Variants in ANAPC7 observed in about 807,000 individuals in gnomAD.
ANAPC7 encodes the protein anaphase promoting complex subunit 7, also known as anaphase-promoting complex subunit 7.
In ANAPC7, 25 loss-of-function variants were observed where a neutral mutation model predicts 63.3. The ratio of observed to expected loss-of-function variants is 0.39; its 90% CI spans 0.29 to 0.55. The LOEUF is 0.55. ANAPC7 is among the 20% of genes least tolerant of loss of function. ANAPC7 has a pLI of 0.57. For synonymous variants in ANAPC7, 241 were observed against 251.7 expected, an observed-to-expected ratio of 0.96 and a Z score of 0.40; for missense variants, 516 against 691.7, an observed-to-expected ratio of 0.75 and a Z score of 2.85.
chr12:110,383,898 AGAAAAAAAAAAGAAAAAAG>A (rs1882195787), intron 6 of ANAPC7, among the ~76,000 whole-genome samples: 8 of 127,924 alleles, frequency 6.3e-5, no homozygotes, highest in African/African-American at 2.7e-4. Context: ...AAAAAAAAAA[AGAAAAAAAAAAGAAAAAAG>A]AAGGGCCAGG....
In ANAPC7 at chr12:110,396,380, T is replaced by C. The variant is rs1292399754; in HGVS notation, c.174A>G (p.Glu58=). The change falls in exon 2 of 11, where the codon GAA becomes GAG. Residue 58 remains glutamate (E), a synonymous_variant. Coordinates refer to ENST00000455511, the MANE Select transcript of ANAPC7 (RefSeq NM_016238.3). ...TATACTTACTCACAGCATTCCGATA[T>C]TCCTTATCATGAAAGAGAGAATCTG... ...YHADSLFHDK[E]YRNAVSKYTM... 6.8e-6 allele frequency: 11 copies of C among 1,613,938 alleles called. No homozygotes were observed. Among genetic ancestry groups the C allele is most frequent in the African/African-American group, 1.3e-5 (1 of 74,920 alleles).
Position 110,400,248 on chromosome 12 carries a change from TAA to T in ANAPC7, c.101+3277_101+3278del, listed in dbSNP as rs986900589. On this transcript the variant is annotated intron_variant, in intron 1 of 10. Coordinates refer to ENST00000455511, the MANE Select transcript of ANAPC7 (RefSeq NM_016238.3). ...CACAGAAAGCATTCAGATATGCATA[TAA>T]GATACATGTCTACTTACACATGCAT... is the stretch of plus-strand genomic sequence containing the variant. Among the ~76,000 whole-genome samples, 7 of 152,316 alleles carry T rather than the reference TAA, an allele frequency of 4.6e-5. 1 individual carries two copies. Among genetic ancestry groups the T allele is most frequent in the African/African-American group, 1.7e-4 (7 of 41,572 alleles).
At chr12:110,376,850 C>G (rs192011009) in intron 9 of ANAPC7, among the ~76,000 whole-genome samples, 2 of 151,922 alleles carry the variant, frequency 1.3e-5, no homozygotes, top group African/African-American at 4.8e-5. Context: ...AGGCTGGGCA[C>G]GGTGGCTCAC....
At chr12:110,389,090 AAAAAAAAAAAAAG>A (rs1260193295) in intron 3 of ANAPC7, among the ~76,000 whole-genome samples, 20 of 148,808 alleles carry the variant, frequency 1.3e-4, no homozygotes, top group Admixed American at 1.3e-4. Flanking sequence ...TTAAAAAAAA[AAAAAAAAAAAAAG>A]AAAAGAAAAG....
chr12:110,384,377 G>A (rs1882253237), intron 6 of ANAPC7, among the ~76,000 whole-genome samples: 1 of 151,826 alleles, frequency 6.6e-6, no homozygotes. Context: ...GAGTGACAGA[G>A]TGAGACCCTG....
In ANAPC7 at chr12:110,399,893, C is replaced by T. The variant is rs531388914; in HGVS notation, c.102-3441G>A. 2.0e-5 allele frequency among the ~76,000 whole-genome samples: 3 copies of T among 151,668 alleles called. No individual in the cohort carries two copies. In the East Asian group the frequency reaches 5.8e-4, roughly 29 times the overall value. On this transcript the variant is annotated intron_variant, in intron 1 of 10. Coordinates refer to ENST00000455511, the MANE Select transcript of ANAPC7 (RefSeq NM_016238.3). The stretch of plus-strand genomic sequence containing the variant: ...GGAGGATCACCTGAGGTCAGGAGTT[C>T]GACCAGCCTGGCCAACATGTTGAAA...
At chr12:110,395,041 T>TG in intron 3 of ANAPC7, 60 bp downstream of exon 3, 1 of 1,559,964 alleles carries the variant, frequency 6.4e-7, no homozygotes, top group Non-Finnish European at 8.7e-7. Context: ...TGAGAAAACA[T>TG]GGAGAGAGGG....
intron 1 of ANAPC7, among the ~76,000 whole-genome samples, chr12:110,400,300 G>A (rs901866696): frequency 6.2e-4 from 95 of 152,230 alleles, no homozygotes; most frequent in African/African-American, 2.1e-3. Flanking sequence ...AATGACACAC[G>A]AAAAAATAGT....
intron 1 of ANAPC7, among the ~76,000 whole-genome samples, chr12:110,402,967 C>T (rs1199003479): frequency 6.6e-6 from 1 of 151,930 alleles, no homozygotes; most frequent in African/African-American, 2.4e-5. Context: ...GTCTTGAACT[C>T]CTGGGCTCAA....
rs779142936 is a variant in ANAPC7 at position 110,394,669 on chromosome 12, C to CAAAAAAAAAAAAAAAAAAA, written c.408+413_408+431dup. ...GGGCAACAAGAGTGAAATTCCACCT[C>CAAAAAAAAAAAAAAAAAAA]AAAAAAAAAAAAAAAAAAAAAAAAA... is the stretch of plus-strand genomic sequence containing the variant. On this transcript the variant is annotated intron_variant, in intron 3 of 10. Coordinates refer to ENST00000455511, the MANE Select transcript of ANAPC7 (RefSeq NM_016238.3). Among the ~76,000 whole-genome samples the CAAAAAAAAAAAAAAAAAAA allele has an allele frequency of 7.0e-5, 3 of 42,776 alleles. 1 individual carries two copies. The highest frequency in any genetic ancestry group is 3.2e-4 in the African/African-American group (3 of 9,416). 28.1% of individuals were successfully genotyped at this position (42,776 alleles called of 152,430 possible). A position where few individuals can be genotyped will look rare whatever the true frequency, so the allele number is the denominator to read the frequency against.
intron 6 of ANAPC7, chr12:110,383,172 C>T (rs933908518): frequency 4.2e-6 from 2 of 472,470 alleles, no homozygotes; most frequent in African/African-American, 3.9e-5. Flanking sequence ...GGCACAGTGG[C>T]TCACACCTGT....
At chr12:110,377,272 C>A in intron 9 of ANAPC7, 121 bp downstream of exon 9, 2 of 829,334 alleles carry the variant, frequency 2.4e-6, no homozygotes, top group Non-Finnish European at 3.8e-6. Context: ...CAGGCTCAGA[C>A]CTGCTGCAAA....
chr12:110,377,701 T>C (rs1293487544), intron 8 of ANAPC7, 84 bp from the exon 9 acceptor site: 1 of 1,585,114 alleles, frequency 6.3e-7, no homozygotes, highest in African/African-American at 1.4e-5. Context: ...TCCAAATTGC[T>C]AACCTTCAAA....
chr12:110,402,097 C>T (rs1424821658), intron 1 of ANAPC7, among the ~76,000 whole-genome samples: 2 of 150,860 alleles, frequency 1.3e-5, no homozygotes, highest in African/African-American at 2.4e-5. Flanking sequence ...ATCGCTTGAA[C>T]CCAGGAAGCG....
intron 7 of ANAPC7, 23 bp from the exon 8 acceptor site, chr12:110,381,971 A>AC (rs1566263480): frequency 2.7e-6 from 4 of 1,507,182 alleles, no homozygotes; most frequent in Admixed American, 4.9e-5. Context: ...AAAAAAAAAA[A>AC]AACACAAAAA....
chr12:110,375,459 G>A lies in ANAPC7; in HGVS notation c.1508+607C>T, dbSNP rs1054242192. 4.1e-6 allele frequency: 4 copies of A among 985,162 alleles called. No individual in the cohort carries two copies. The African/African-American group carries it at 7.0e-5, about 17-fold the overall frequency. The allele number at this position is 985,162 out of a possible 1,614,324, so 61.0% of individuals were successfully genotyped here. On this transcript the variant is annotated intron_variant, in intron 10 of 10. Transcript: ENST00000455511. The stretch of plus-strand genomic sequence containing the variant: ...TACAGACACACAGACAACCCTCAAA[G>A]AAACCACTTCTGTATTAAACAGTAA...
At chr12:110,400,516 G>A (rs1424623059) in intron 1 of ANAPC7, among the ~76,000 whole-genome samples, 1 of 152,132 alleles carries the variant, frequency 6.6e-6, no homozygotes, top group East Asian at 1.9e-4. Flanking sequence ...GAAAAAGCAT[G>A]GGCTAAACTT....
intron 4 of ANAPC7, 68 bp downstream of exon 4, chr12:110,388,444 A>AG (rs542542198): frequency 8.1e-7 from 1 of 1,233,308 alleles, no homozygotes; most frequent in Non-Finnish European, 1.2e-6. Flanking sequence ...TCTAATGTAC[A>AG]GGCAAGATTG....
intron 8 of ANAPC7, among the ~76,000 whole-genome samples, chr12:110,381,083 T>C (rs1881798840): frequency 6.7e-6 from 1 of 150,196 alleles, no homozygotes; most frequent in South Asian, 2.1e-4. Context: ...CCATCCCAAC[T>C]ATACCCTCAC....
Sources: allele counts gnomAD v4.1 joint callset (sites outside exome capture counted in the v4.1 genomes callset), GRCh38; gene constraint gnomAD v4.1.1; transcripts MANE v1.5; gene names NCBI Gene and HGNC (gene_info 2026-07-23, HGNC 2026-07-21).